Variants in RPRD2 observed in about 807,000 individuals in gnomAD.
The protein encoded by RPRD2 is regulation of nuclear pre-mRNA domain-containing protein 2.
A neutral mutation model predicts 104.4 loss-of-function variants in RPRD2; 12 were observed. The observed-to-expected ratio is 0.11, with a 90% CI of 0.07 to 0.19. The LOEUF is 0.19. Among genes scored for constraint, RPRD2 ranks in the 10% least tolerant of loss-of-function variants. The probability of loss-of-function intolerance (pLI) is 1.00; values close to 1 mark genes in which losing one functional copy is unlikely to be tolerated. For missense variants in RPRD2, 1,543 were observed against 1,790.1 expected (o/e 0.86, Z 2.49); for synonymous variants, 714 against 684.9 (o/e 1.04, Z -0.66).
At chr1:150,393,328 C>T (rs587762067) in intron 1 of RPRD2, among the ~76,000 whole-genome samples, 1 of 151,828 alleles carries the variant, frequency 6.6e-6, no homozygotes, top group East Asian at 1.9e-4. Flanking sequence ...GGGCATGGTA[C>T]ATGCCTACAG....
intron 7 of RPRD2, among the ~76,000 whole-genome samples, chr1:150,451,276 G>T (rs782338556): frequency 9.2e-5 from 14 of 152,106 alleles, no homozygotes; most frequent in Non-Finnish European, 1.5e-4. Context: ...CACAAGTTTG[G>T]TTTATCTCAC....
chr1:150,398,495 C>CTATTT (rs587726840), intron 1 of RPRD2, among the ~76,000 whole-genome samples: 182 of 151,814 alleles, frequency 1.2e-3, no homozygotes, highest in African/African-American at 3.9e-3. Flanking sequence ...CGTGCCTGGC[C>CTATTT]TATTTTATTT....
rs1553899510 is a variant in RPRD2 at position 150,464,607 on chromosome 1, C to G, written c.1492C>G (p.Pro498Ala). Residue 498 changes from proline to alanine, a missense_variant, in exon 10 of 11, where the codon CCT becomes GCT. By Grantham distance (27) the Pro-to-Ala change is conservative. Around this residue, in one of 4 missense-constraint regions of RPRD2, gnomAD observed 572 missense variants for 787.3 expected, o/e 0.73. Transcript: ENST00000369068. ...NLTSGLKTPA[P>A]ATTTSHNPLA... ...CACCAGTGGCCTGAAAACACCTGCACCTGCCACGACAACATCTCACAACCC... is the reference window on the plus strand; with the variant it reads ...CACCAGTGGCCTGAAAACACCTGCAGCTGCCACGACAACATCTCACAACCC... 1.2e-6 allele frequency: 2 copies of G among 1,610,900 alleles called. No homozygotes were observed. Among genetic ancestry groups the G allele is most frequent in the Non-Finnish European group, 1.7e-6 (2 of 1,178,572 alleles).
intron 1 of RPRD2, among the ~76,000 whole-genome samples, chr1:150,388,770 C>T (rs925257844): frequency 6.6e-6 from 1 of 151,860 alleles, no homozygotes; most frequent in Non-Finnish European, 1.5e-5. Context: ...CCACACCCAG[C>T]TAATTTTTGT....
intron 10 of RPRD2, among the ~76,000 whole-genome samples, chr1:150,469,245 A>C (rs1488553225): frequency 6.6e-6 from 1 of 152,284 alleles, no homozygotes; most frequent in African/African-American, 2.4e-5. Context: ...AAAAGCTATA[A>C]ATTTGGGTGA....
chr1:150,446,903 T>G (rs587663744), intron 7 of RPRD2, among the ~76,000 whole-genome samples: 28 of 144,966 alleles, frequency 1.9e-4, no homozygotes, highest in African/African-American at 7.3e-4. Flanking sequence ...TGGTGCAATC[T>G]CAGCACACAG....
intron 2 of RPRD2, among the ~76,000 whole-genome samples, chr1:150,431,556 C>T (rs1553891765): frequency 7.1e-6 from 1 of 141,576 alleles, no homozygotes; most frequent in Non-Finnish European, 1.5e-5. Context: ...TCTCGGCTCG[C>T]TGCAACTTCC....
chr1:150,454,942 A>T (rs1212080472), intron 7 of RPRD2, among the ~76,000 whole-genome samples: 3 of 152,202 alleles, frequency 2.0e-5, no homozygotes, highest in Admixed American at 6.5e-5. Context: ...AATTCAAAAG[A>T]TATCTTTAAG....
chr1:150,454,509 C>G (rs1667390264), intron 7 of RPRD2, among the ~76,000 whole-genome samples: 1 of 152,022 alleles, frequency 6.6e-6, no homozygotes, highest in African/African-American at 2.4e-5. Context: ...TGAGTTATAT[C>G]AAAAGCAAAA....
At chr1:150,463,469 CA>C (rs1423703993) in intron 9 of RPRD2, among the ~76,000 whole-genome samples, 2 of 152,214 alleles carry the variant, frequency 1.3e-5, no homozygotes, top group Non-Finnish European at 2.9e-5. Flanking sequence ...GTGCAGTCTA[CA>C]AATCCAGCCT....
chr1:150,388,416 G>GTA (rs370049726), intron 1 of RPRD2, among the ~76,000 whole-genome samples: 4,570 of 140,056 alleles, frequency 0.033, 96 homozygotes, highest in Middle Eastern at 0.058. Context: ...ATATACACAT[G>GTA]TATATATATA....
At chr1:150,401,735 C>G (rs1384376480) in intron 1 of RPRD2, among the ~76,000 whole-genome samples, 1 of 151,046 alleles carries the variant, frequency 6.6e-6, no homozygotes, top group Non-Finnish European at 1.5e-5. Context: ...ACGCCGCCTC[C>G]TGGTTTCACG....
intron 2 of RPRD2, among the ~76,000 whole-genome samples, 200 bp from the exon 3 acceptor site, chr1:150,440,723 G>A (rs1553894250): frequency 6.6e-6 from 1 of 151,852 alleles, no homozygotes; most frequent in African/African-American, 2.4e-5. Context: ...GTGTTGAATT[G>A]GTAATTATTT....
chr1:150,413,945 T>C (rs1664134889), intron 1 of RPRD2, among the ~76,000 whole-genome samples: 1 of 151,328 alleles, frequency 6.6e-6, no homozygotes, highest in African/African-American at 2.4e-5. Context: ...AAAAAAAAAT[T>C]AGCCAGACAT....
At chr1:150,369,883 T>C (rs1660171444) in intron 1 of RPRD2, among the ~76,000 whole-genome samples, 1 of 151,914 alleles carries the variant, frequency 6.6e-6, no homozygotes, top group Non-Finnish European at 1.5e-5. Context: ...CGGGCTCAAG[T>C]GATTTTCATG....
At chr1:150,421,345 A>G (rs984611114) in intron 2 of RPRD2, among the ~76,000 whole-genome samples, 2 of 152,322 alleles carry the variant, frequency 1.3e-5, no homozygotes, top group African/African-American at 2.4e-5. Flanking sequence ...AAATTTCAAA[A>G]ATTTAAAGGA....
intron 1 of RPRD2, among the ~76,000 whole-genome samples, chr1:150,372,058 A>G (rs1660349548): frequency 1.3e-5 from 2 of 152,190 alleles, no homozygotes; most frequent in Admixed American, 6.5e-5. Context: ...ACCTTTCTAA[A>G]TGTAAGGTTC....
chr1:150,433,655 A>G (rs1553892443), intron 2 of RPRD2, among the ~76,000 whole-genome samples: 5 of 148,754 alleles, frequency 3.4e-5, no homozygotes, highest in South Asian at 4.2e-4. Context: ...AGTGTTAGCC[A>G]GGATGGTCTC....
At chr1:150,458,148 G>T (rs1560219020) in intron 8 of RPRD2, among the ~76,000 whole-genome samples, 1 of 151,560 alleles carries the variant, frequency 6.6e-6, no homozygotes, top group Admixed American at 6.6e-5. Context: ...CTTGAGATGT[G>T]CTATAAGTAT....
Sources: gnomAD v4.1 joint callset for allele counts (sites outside exome capture counted in the v4.1 genomes callset) on GRCh38, gnomAD v4.1.1 for gene constraint, gnomAD v4.1.1 regional missense constraint, MANE v1.5 for transcripts, NCBI Gene and HGNC (gene_info 2026-07-23, HGNC 2026-07-21) for gene names.